Variants in G2E3 observed in about 807,000 individuals in gnomAD.
The protein encoded by G2E3 is G2/M phase-specific E3 ubiquitin-protein ligase.
Under a neutral mutation model 92.8 loss-of-function variants are expected in G2E3, and 35 were observed. The observed-to-expected ratio is 0.38, with a 90% CI of 0.29 to 0.50. The LOEUF is 0.50. G2E3 is among the 20% of genes least tolerant of loss of function. The pLI, the probability that G2E3 is intolerant of heterozygous loss-of-function variation, is 0.94. For missense variants in G2E3, 554 were observed against 823.8 expected, an observed-to-expected ratio of 0.67 and a Z score of 4.01; for synonymous variants, 242 against 272.4, an observed-to-expected ratio of 0.89 and a Z score of 1.10.
intron 10 of G2E3, among the ~76,000 whole-genome samples, chr14:30,604,713 A>T (rs576574307): frequency 6.6e-6 from 1 of 152,328 alleles, no homozygotes; most frequent in African/African-American, 2.4e-5. Flanking sequence ...TGACTTTATG[A>T]TTTAAAATAT....
chr14:30,560,952 G>T, intron 1 of G2E3: 1 of 613,488 alleles, frequency 1.6e-6, no homozygotes. Context: ...TTGGTTTGAA[G>T]CCCATCTCCA....
intron 3 of G2E3, among the ~76,000 whole-genome samples, chr14:30,588,174 G>A (rs1880815633): frequency 6.6e-6 from 1 of 150,976 alleles, no homozygotes; most frequent in African/African-American, 2.5e-5. Context: ...GCAGTAAAAA[G>A]AAAATCTTTC....
chr14:30,611,770 T>C, intron 12 of G2E3: 1 of 152,700 alleles, frequency 6.5e-6, no homozygotes, highest in Non-Finnish European at 1.5e-5. Context: ...TCCTTCTACC[T>C]CATCTTCCAG....
At chr14:30,606,355 G>C (rs945975016) in intron 11 of G2E3, among the ~76,000 whole-genome samples, 1 of 151,830 alleles carries the variant, frequency 6.6e-6, no homozygotes, top group Admixed American at 6.6e-5. Context: ...TTCTCTTTTA[G>C]GGGCTTTTAT....
At chr14:30,602,275 A>G (rs1477165282) in intron 10 of G2E3, 144 bp downstream of exon 10, 2 of 609,158 alleles carry the variant, frequency 3.3e-6, no homozygotes, top group South Asian at 4.6e-5. Context: ...ACATTTGATC[A>G]TGAAATCAAT....
Position 30,592,448 on chromosome 14 carries a change from G to C in G2E3, c.362+1G>C. On this transcript the variant is annotated splice_donor_variant, in intron 5 of 14. Transcript: ENST00000206595. LOFTEE classifies it high-confidence loss of function. ...TTTTCCAGTTTACTGGCAATTTTGC[G>C]TGAGTTATTTAACTGTTAAATATGA... 2 of 1,573,140 alleles carry C rather than the reference G, an allele frequency of 1.3e-6. No individual in the cohort carries two copies. Among genetic ancestry groups the C allele is most frequent in the Non-Finnish European group, 1.7e-6 (2 of 1,162,296 alleles).
At chr14:30,599,198 C>T (rs1402028798) in intron 8 of G2E3, among the ~76,000 whole-genome samples, 1 of 151,064 alleles carries the variant, frequency 6.6e-6, no homozygotes, top group Non-Finnish European at 1.5e-5. Flanking sequence ...GCCCACCTAT[C>T]TGACCTTATT....
At position 30,618,914 on chromosome 14, in the gene G2E3, T is replaced by A. The variant is rs942102938; in HGVS notation, c.*2380T>A. 4 of 152,084 alleles carry A rather than the reference T, an allele frequency of 2.6e-5. No individual in the cohort carries two copies. The highest frequency in any genetic ancestry group is 9.6e-5 in the African/African-American group (4 of 41,460). 9.4% of individuals were successfully genotyped at this position (152,084 alleles called of 1,614,324 possible). ...AAATCTTTATAAATGTGTACATATATTTCTTAAATATTGCAATTGCCTAAA... is the reference window on the plus strand; with the variant it reads ...AAATCTTTATAAATGTGTACATATAATTCTTAAATATTGCAATTGCCTAAA... On this transcript the variant is annotated 3_prime_UTR_variant, in exon 15 of 15. Coordinates refer to ENST00000206595, the MANE Select transcript of G2E3 (RefSeq NM_017769.5).
intron 1 of G2E3, among the ~76,000 whole-genome samples, chr14:30,579,266 T>C (rs546164819): frequency 6.6e-6 from 1 of 152,312 alleles, no homozygotes; most frequent in Admixed American, 6.5e-5. Context: ...CCTACTTAAC[T>C]CTAAAGCCCC....
In G2E3 at chr14:30,605,093, T is replaced by C. The variant is rs554981852; in HGVS notation, c.1011-412T>C. ...GTATTTTCAGTAGAGACAGGGTTTCTCCCTGTGGGTCACACTGGTCTCGAA... is the reference window on the plus strand; with the variant it reads ...GTATTTTCAGTAGAGACAGGGTTTCCCCCTGTGGGTCACACTGGTCTCGAA... On this transcript the variant is annotated intron_variant, in intron 10 of 14. Coordinates refer to ENST00000206595, the MANE Select transcript of G2E3 (RefSeq NM_017769.5). Among the ~76,000 whole-genome samples the C allele has an allele frequency of 2.8e-4, 43 of 152,218 alleles. No homozygotes were observed. The East Asian group carries it at 7.7e-3, about 27-fold the overall frequency.
At position 30,618,222 on chromosome 14, in the gene G2E3, ACATTT is replaced by A. The variant is rs1882406669; in HGVS notation, c.*1690_*1694del. ...GAAATATTTAAGAACATTAAACAAGACATTTCTTTGGCTTTGGTTGAATTTTTTTG... is the reference window on the plus strand; with the variant it reads ...GAAATATTTAAGAACATTAAACAAGACTTTGGCTTTGGTTGAATTTTTTTG... On this transcript the variant is annotated 3_prime_UTR_variant, in exon 15 of 15. Coordinates refer to ENST00000206595, the MANE Select transcript of G2E3 (RefSeq NM_017769.5). 1 of 152,094 alleles carries A rather than the reference ACATTT, an allele frequency of 6.6e-6. No homozygotes were observed. The highest frequency in any genetic ancestry group is 1.5e-5 in the Non-Finnish European group (1 of 67,938). 9.4% of individuals were successfully genotyped at this position (152,094 alleles called of 1,614,324 possible).
At chr14:30,594,549 C>T (rs899536569) in intron 6 of G2E3, among the ~76,000 whole-genome samples, 23 of 151,668 alleles carry the variant, frequency 1.5e-4, no homozygotes, top group Non-Finnish European at 2.9e-4. Context: ...AAAAATTAGC[C>T]GGGCATGGTG....
At chr14:30,597,864 A>C (rs1262040887) in intron 7 of G2E3, among the ~76,000 whole-genome samples, 16 of 152,358 alleles carry the variant, frequency 1.1e-4, no homozygotes, top group Admixed American at 1.0e-3. Flanking sequence ...TTTAATACTT[A>C]AACATGAAGA....
chr14:30,590,468 G>T, intron 4 of G2E3: 1 of 332,492 alleles, frequency 3.0e-6, no homozygotes, highest in Non-Finnish European at 5.9e-6. Context: ...ATTCAACAGA[G>T]AACTAAAATA....
chr14:30,580,957 A>G, intron 1 of G2E3, 119 bp from the exon 2 acceptor site: 1 of 659,368 alleles, frequency 1.5e-6, no homozygotes, highest in Non-Finnish European at 2.8e-6. Context: ...GGTAAGAAAA[A>G]TTTAAATACT....
At chr14:30,571,944 TAA>T (rs34718480) in intron 1 of G2E3, among the ~76,000 whole-genome samples, 3 of 144,516 alleles carry the variant, frequency 2.1e-5, no homozygotes, top group Non-Finnish European at 1.5e-5. Flanking sequence ...GCCAGTATCT[TAA>T]AAAAAAAAAA....
intron 1 of G2E3, chr14:30,560,653 AT>A (rs898284013): frequency 9.8e-5 from 60 of 610,168 alleles, no homozygotes; most frequent in African/African-American, 7.8e-4. Flanking sequence ...TAATCTCTTT[AT>A]TTTTTTCTAC....
At chr14:30,603,663 G>A (rs977582961) in intron 10 of G2E3, among the ~76,000 whole-genome samples, 8 of 152,138 alleles carry the variant, frequency 5.3e-5, no homozygotes, top group South Asian at 2.1e-4. Context: ...GCAATATTAC[G>A]AAACTCTGTC....
chr14:30,588,252 A>G (rs1340603156), intron 3 of G2E3, among the ~76,000 whole-genome samples: 3 of 152,028 alleles, frequency 2.0e-5, no homozygotes, highest in African/African-American at 7.2e-5. Context: ...CTATAAAGTA[A>G]AAGGATTATT....
Sources: allele counts gnomAD v4.1 joint callset (sites outside exome capture counted in the v4.1 genomes callset), GRCh38; gene constraint gnomAD v4.1.1; transcripts MANE v1.5; gene names NCBI Gene and HGNC (gene_info 2026-07-23, HGNC 2026-07-21).